The following MAP3K13 variants were observed in gnomAD, a reference collection of about 807,000 sequenced individuals.
The protein encoded by MAP3K13 is mitogen-activated protein kinase kinase kinase 13.
A neutral mutation model predicts 104.0 loss-of-function variants in MAP3K13; 52 were observed. The observed-to-expected ratio is 0.50, with a 90% CI of 0.40 to 0.63. The LOEUF is 0.63. Among genes scored for constraint, MAP3K13 ranks in the 20% least tolerant of loss-of-function variants. The pLI, the probability that MAP3K13 is intolerant of heterozygous loss-of-function variation, is 0.00. For synonymous variants in MAP3K13, 394 were observed against 442.2 expected, an observed-to-expected ratio of 0.89 and a Z score of 1.37; for missense variants, 914 against 1,218.5, an observed-to-expected ratio of 0.75 and a Z score of 3.72.
rs770336517 is a variant in MAP3K13, at chr3:185,395,357, C to CTTTTTTTTTTTTTTTTTTTTTTTTTTTT, written c.-86+32008_-86+32009insTTTTTTTTTTTTTTTTTTTTTTTTTTTT. ...AGGCATTTCTAATTCAATATTATTT[C>CTTTTTTTTTTTTTTTTTTTTTTTTTTTT]TTTTTTTTTTTTTTTTTTTGAGACG... On this transcript the variant is annotated intron_variant, in intron 1 of 13. Coordinates refer to ENST00000265026, the MANE Select transcript of MAP3K13 (RefSeq NM_004721.5). 2.9e-5 allele frequency among the ~76,000 whole-genome samples: 2 copies of CTTTTTTTTTTTTTTTTTTTTTTTTTTTT among 69,978 alleles called. 1 individual carries two copies. The highest frequency in any genetic ancestry group is 1.4e-4 in the African/African-American group (2 of 14,500). The allele number at this position is 69,978 out of a possible 152,430, so 45.9% of individuals were successfully genotyped here.
chr3:185,379,091 AG>A (rs1724580256), intron 1 of MAP3K13, among the ~76,000 whole-genome samples: 1 of 152,160 alleles, frequency 6.6e-6, no homozygotes, highest in Admixed American at 6.5e-5. Flanking sequence ...CAGCAGCCCC[AG>A]GCTGCAGCGT....
chr3:185,349,911 G>A (rs1033679236), intron 2 of MAP3K13, among the ~76,000 whole-genome samples: 3 of 152,234 alleles, frequency 2.0e-5, no homozygotes, highest in African/African-American at 4.8e-5. Flanking sequence ...ACACAGCTTA[G>A]AAGACAGGTT....
At chr3:185,456,495 G>A (rs1054891270) in intron 7 of MAP3K13, among the ~76,000 whole-genome samples, 5 of 150,696 alleles carry the variant, frequency 3.3e-5, no homozygotes, top group Admixed American at 2.0e-4. Context: ...TTAGTAATCA[G>A]AAAAAACACT....
chr3:185,409,490 G>T (rs187758096), intron 1 of MAP3K13, among the ~76,000 whole-genome samples: 1 of 151,936 alleles, frequency 6.6e-6, no homozygotes, highest in East Asian at 1.9e-4. Flanking sequence ...AAACATAAAC[G>T]CTGGCAAGGA....
intron 2 of MAP3K13, among the ~76,000 whole-genome samples, chr3:185,354,153 C>T (rs1285416841): frequency 2.0e-5 from 3 of 151,966 alleles, no homozygotes; most frequent in Admixed American, 1.3e-4. Flanking sequence ...TTCACATTCC[C>T]AGAGCTCTTG....
chr3:185,311,310 C>T (rs1033603977), intron 2 of MAP3K13, among the ~76,000 whole-genome samples: 3 of 151,976 alleles, frequency 2.0e-5, no homozygotes, highest in Admixed American at 6.6e-5. Flanking sequence ...TACAGGGTGG[C>T]GGCAAGAGAA....
intron 2 of MAP3K13, among the ~76,000 whole-genome samples, chr3:185,433,116 A>T (rs116299055): frequency 3.9e-4 from 60 of 152,366 alleles, no homozygotes; most frequent in African/African-American, 1.4e-3. Context: ...GAGTATGTTG[A>T]TAGTGAGCCC....
chr3:185,438,168 G>A (rs113396929), intron 3 of MAP3K13, among the ~76,000 whole-genome samples: 186 of 152,052 alleles, frequency 1.2e-3, no homozygotes, highest in African/African-American at 4.4e-3. Flanking sequence ...TGGTAGCACA[G>A]GCCTGTAGTC....
intron 1 of MAP3K13, among the ~76,000 whole-genome samples, chr3:185,416,672 A>G (rs981817976): frequency 6.6e-6 from 1 of 152,296 alleles, no homozygotes. Context: ...TATGTTGTTC[A>G]GACTGGAGTA....
At chr3:185,462,172 A>G (rs573704612) in intron 7 of MAP3K13, among the ~76,000 whole-genome samples, 3 of 152,240 alleles carry the variant, frequency 2.0e-5, no homozygotes, top group Non-Finnish European at 4.4e-5. Context: ...GATAGTCTAT[A>G]CATAATATGA....
chr3:185,380,155 C>T (rs576182530), intron 1 of MAP3K13, among the ~76,000 whole-genome samples: 1 of 151,428 alleles, frequency 6.6e-6, no homozygotes, highest in Non-Finnish European at 1.5e-5. Context: ...CATTGCCCTA[C>T]AGCCTAGGCG....
rs563146634 is a variant in MAP3K13 at position 185,321,765 on chromosome 3, G to A, written c.-86+36122G>A. On this transcript the variant is annotated intron_variant, in intron 2 of 14. Transcript: ENST00000424227. ...ATTACAGGCATGCGCCACCATGCCCGGCTAATTTTTGTATTTTTAGTAGAG... is the reference window on the plus strand; with the variant it reads ...ATTACAGGCATGCGCCACCATGCCCAGCTAATTTTTGTATTTTTAGTAGAG... 5.9e-5 allele frequency among the ~76,000 whole-genome samples: 9 copies of A among 152,158 alleles called. 1 individual carries two copies. Among genetic ancestry groups the A allele is most frequent in the African/African-American group, 1.7e-4 (7 of 41,534 alleles).
chr3:185,335,991 A>G (rs1722487003), intron 2 of MAP3K13, among the ~76,000 whole-genome samples: 2 of 152,090 alleles, frequency 1.3e-5, no homozygotes, highest in Admixed American at 1.3e-4. Flanking sequence ...GTCTTTATGC[A>G]TTCTAGATTC....
At chr3:185,474,187 G>A (rs2148924252) in intron 11 of MAP3K13, among the ~76,000 whole-genome samples, 1 of 152,226 alleles carries the variant, frequency 6.6e-6, no homozygotes, top group South Asian at 2.1e-4. Flanking sequence ...TTAGCCAGGT[G>A]TGGTAGCACA....
intron 11 of MAP3K13, among the ~76,000 whole-genome samples, chr3:185,475,622 C>T (rs1020952108): frequency 2.7e-5 from 4 of 148,960 alleles, no homozygotes; most frequent in East Asian, 4.6e-4. Context: ...GAGGCCAAGG[C>T]GGGTGGAACA....
intron 7 of MAP3K13, among the ~76,000 whole-genome samples, chr3:185,461,931 T>C (rs919269754): frequency 6.6e-6 from 1 of 152,120 alleles, no homozygotes; most frequent in Non-Finnish European, 1.5e-5. Context: ...GTAGAGAAAC[T>C]GGAACCCTTA....
At chr3:185,319,646 A>T (rs1428420708) in intron 2 of MAP3K13, among the ~76,000 whole-genome samples, 1 of 152,236 alleles carries the variant, frequency 6.6e-6, no homozygotes, top group African/African-American at 2.4e-5. Flanking sequence ...ACCAAATTGC[A>T]TGGTGGTATT....
At chr3:185,454,564 T>TGA (rs1716196952) in intron 7 of MAP3K13, among the ~76,000 whole-genome samples, 2 of 117,454 alleles carry the variant, frequency 1.7e-5, no homozygotes, top group Non-Finnish European at 3.2e-5. Flanking sequence ...CACATATATA[T>TGA]GATATATATG....
intron 2 of MAP3K13, among the ~76,000 whole-genome samples, chr3:185,342,459 G>A (rs1043303479): frequency 6.6e-6 from 1 of 152,008 alleles, no homozygotes; most frequent in Admixed American, 6.6e-5. Flanking sequence ...AGATGACATA[G>A]ACAAGACTTT....
Sources: gnomAD v4.1 joint callset for allele counts (sites outside exome capture counted in the v4.1 genomes callset) on GRCh38, gnomAD v4.1.1 for gene constraint, MANE v1.5 for transcripts, NCBI Gene and HGNC (gene_info 2026-07-23, HGNC 2026-07-21) for gene names.